The following MCC variants were observed in gnomAD, a reference collection of about 807,000 sequenced individuals.
MCC encodes colorectal mutant cancer protein.
In MCC, 90 loss-of-function variants were observed where a neutral mutation model predicts 116.2. The ratio of observed to expected loss-of-function variants is 0.77; its 90% CI spans 0.65 to 0.92. MCC has a LOEUF of 0.92. Ranked by LOEUF, MCC falls within the 40% of genes least tolerant of loss-of-function variation. MCC has a pLI of 0.00. For synonymous variants in MCC, 578 were observed against 510.5 expected, an observed-to-expected ratio of 1.13 and a Z score of -1.78; for missense variants, 1,516 against 1,312.2, an observed-to-expected ratio of 1.16 and a Z score of -2.40.
At chr5:113,202,761 A>G (rs58237028) in intron 3 of MCC, among the ~76,000 whole-genome samples, 9,448 of 148,276 alleles carry the variant, frequency 0.064, 889 homozygotes, top group African/African-American at 0.21. Context: ...CTCAGCCCCA[A>G]TGCAGATGAA....
intron 1 of MCC, among the ~76,000 whole-genome samples, chr5:113,447,584 T>C (rs900357758): frequency 5.3e-5 from 8 of 152,180 alleles, no homozygotes; most frequent in African/African-American, 7.2e-5. Context: ...GAAGAACACA[T>C]GTTCCGTATG....
rs144905744 is a variant in MCC at position 113,275,517 on chromosome 5, C to A, written c.627+65002G>T. 2.1e-4 allele frequency among the ~76,000 whole-genome samples: 32 copies of A among 152,162 alleles called. No individual in the cohort carries two copies. The East Asian group carries it at 6.2e-3, about 29-fold the overall frequency. On this transcript the variant is annotated intron_variant, in intron 3 of 18. Coordinates refer to ENST00000408903, the MANE Select transcript of MCC (RefSeq NM_001085377.2). Reference sequence around the variant, plus strand: ...TGATTAAAAAGGACTCCACTAGGCCCCAGGGATTAAGCTTCCTACATTAGA... The same window carrying A: ...TGATTAAAAAGGACTCCACTAGGCCACAGGGATTAAGCTTCCTACATTAGA...
At chr5:113,399,237 G>A (rs549325189) in intron 1 of MCC, among the ~76,000 whole-genome samples, 1 of 152,194 alleles carries the variant, frequency 6.6e-6, no homozygotes, top group Non-Finnish European at 1.5e-5. Context: ...TGTAATCCCA[G>A]CACTTTGGGA....
At chr5:113,034,472 A>G (rs116113903) in intron 17 of MCC, among the ~76,000 whole-genome samples, 23 of 151,858 alleles carry the variant, frequency 1.5e-4, no homozygotes, top group Non-Finnish European at 3.4e-4. Flanking sequence ...TTAGAGTCCA[A>G]TTGAGGAGCT....
At chr5:113,057,508 G>C (rs1752913366) in intron 14 of MCC, among the ~76,000 whole-genome samples, 1 of 152,224 alleles carries the variant, frequency 6.6e-6, no homozygotes, top group Non-Finnish European at 1.5e-5. Context: ...TTTTAAAAAT[G>C]AGAGGGGAGA....
At chr5:113,079,487 C>A (rs1754693213) in intron 11 of MCC, among the ~76,000 whole-genome samples, 1 of 152,018 alleles carries the variant, frequency 6.6e-6, no homozygotes, top group Non-Finnish European at 1.5e-5. Context: ...AGAATAGAGC[C>A]CTCAGAAATA....
intron 5 of MCC, among the ~76,000 whole-genome samples, chr5:113,139,730 T>A (rs1158199345): frequency 6.6e-6 from 1 of 152,176 alleles, no homozygotes; most frequent in Non-Finnish European, 1.5e-5. Context: ...GACATACCAT[T>A]TGACCTAGCA....
At chr5:113,330,950 A>G (rs532280479) in intron 3 of MCC, among the ~76,000 whole-genome samples, 1 of 152,306 alleles carries the variant, frequency 6.6e-6, no homozygotes, top group Non-Finnish European at 1.5e-5. Context: ...GGTCCTACAC[A>G]TGGACCTGAA....
chr5:113,048,970 C>G, intron 16 of MCC, 123 bp downstream of exon 16: 2 of 876,714 alleles, frequency 2.3e-6, no homozygotes, highest in Non-Finnish European at 3.7e-6. Flanking sequence ...TACGAATGGC[C>G]TGCATTTCCT....
chr5:113,066,873 C>A (rs1296513444), intron 13 of MCC, among the ~76,000 whole-genome samples: 1 of 152,220 alleles, frequency 6.6e-6, no homozygotes, highest in Non-Finnish European at 1.5e-5. Flanking sequence ...CACCATCCAT[C>A]TTTGGCTCTG....
intron 16 of MCC, among the ~76,000 whole-genome samples, chr5:113,047,593 C>G (rs976488452): frequency 6.6e-6 from 1 of 152,188 alleles, no homozygotes. Flanking sequence ...CGATCCTGCA[C>G]TTATGCTATG....
At chr5:113,116,655 T>G (rs1757413641) in intron 6 of MCC, among the ~76,000 whole-genome samples, 1 of 152,210 alleles carries the variant, frequency 6.6e-6, no homozygotes, top group Non-Finnish European at 1.5e-5. Flanking sequence ...AACAGCAGAA[T>G]TTGGGGAAAA....
At chr5:113,210,423 C>T (rs559485872) in intron 3 of MCC, among the ~76,000 whole-genome samples, 9 of 61,368 alleles carry the variant, frequency 1.5e-4, no homozygotes, top group African/African-American at 4.9e-4. Flanking sequence ...ATAAGCTTAA[C>T]AACATCTTCC....
At chr5:113,028,398 G>C (rs943941360) in intron 18 of MCC, among the ~76,000 whole-genome samples, 1 of 151,432 alleles carries the variant, frequency 6.6e-6, no homozygotes, top group Non-Finnish European at 1.5e-5. Flanking sequence ...TTTTGTAAAT[G>C]AAATAATAAA....
At chr5:113,454,952 G>C (rs3842916) in intron 1 of MCC, among the ~76,000 whole-genome samples, 22,507 of 152,032 alleles carry the variant, frequency 0.15, 2,808 homozygotes, top group African/African-American at 0.34. Flanking sequence ...TCATGCACAT[G>C]CACACTCAGA....
intron 6 of MCC, among the ~76,000 whole-genome samples, chr5:113,107,310 C>T (rs534614980): frequency 2.2e-4 from 34 of 151,572 alleles, no homozygotes; most frequent in East Asian, 2.1e-3. Flanking sequence ...CTCCACCTCC[C>T]GGGTTCAAGT....
intron 3 of MCC, among the ~76,000 whole-genome samples, chr5:113,333,836 T>TAG (rs372077130): frequency 1.7e-5 from 1 of 59,316 alleles, no homozygotes; most frequent in Non-Finnish European, 3.0e-5. Context: ...TGTATATATG[T>TAG]ATATATGTAT....
chr5:113,230,341 A>G (rs1763896649), intron 3 of MCC, among the ~76,000 whole-genome samples: 1 of 152,204 alleles, frequency 6.6e-6, no homozygotes, highest in Non-Finnish European at 1.5e-5. Context: ...TAGATAACAG[A>G]GGGAGAGGGA....
chr5:113,305,841 C>T (rs559703446), intron 3 of MCC, among the ~76,000 whole-genome samples: 8 of 152,180 alleles, frequency 5.3e-5, no homozygotes, highest in Non-Finnish European at 1.0e-4. Flanking sequence ...AGTTGTGCAG[C>T]CATCACCACT....
Sources: allele counts gnomAD v4.1 joint callset (sites outside exome capture counted in the v4.1 genomes callset), GRCh38; gene constraint gnomAD v4.1.1; transcripts MANE v1.5; gene names NCBI Gene and HGNC (gene_info 2026-07-23, HGNC 2026-07-21).